HMCN1: variants seen among roughly 807,000 people sequenced by gnomAD.
HMCN1 encodes the protein hemicentin 1, also known as hemicentin-1.
In HMCN1, 321 loss-of-function variants were observed where a neutral mutation model predicts 625.9. The observed-to-expected ratio is 0.51, with a 90% CI of 0.47 to 0.56. The LOEUF is 0.56. HMCN1 is among the 20% of genes least tolerant of loss of function. HMCN1 has a pLI of 0.00. For missense variants in HMCN1, 6,588 were observed against 6,887.3 expected, an observed-to-expected ratio of 0.96 and a Z score of 1.54; for synonymous variants, 2,425 against 2,417.6, an observed-to-expected ratio of 1.00 and a Z score of -0.09.
chr1:186,026,323 T>C (rs576210925), intron 36 of HMCN1, among the ~76,000 whole-genome samples: 9 of 152,312 alleles, frequency 5.9e-5, no homozygotes, highest in African/African-American at 2.2e-4. Flanking sequence ...ACACCATGCA[T>C]TGAAATACTT....
rs199699976 is a variant in HMCN1, at chr1:185,923,620, G to A, written c.1252G>A (p.Val418Ile). The change falls in exon 8 of 107, where the codon GTA becomes ATA. Residue 418 changes from valine (V) to isoleucine (I), a missense_variant. Coordinates refer to ENST00000271588, the MANE Select transcript of HMCN1 (RefSeq NM_031935.3). ...TAAAGATGATTACCTCTTCCAGAGAGTATCAAGTGTTTCCTTTTCTAGTAT... is the reference window on the plus strand; with the variant it reads ...TAAAGATGATTACCTCTTCCAGAGAATATCAAGTGTTTCCTTTTCTAGTAT... ...YDKDDYLFQR[V>I]SSVSFSSIVP... 1.2e-6 allele frequency: 2 copies of A among 1,606,732 alleles called. No homozygotes were observed. The highest frequency in any genetic ancestry group is 2.2e-5 in the East Asian group (1 of 44,748).
intron 68 of HMCN1, among the ~76,000 whole-genome samples, chr1:186,102,792 G>A (rs1660443302): frequency 6.6e-6 from 1 of 152,142 alleles, no homozygotes; most frequent in African/African-American, 2.4e-5. Context: ...GTCATCATAA[G>A]GGGAATGTGT....
chr1:186,179,200 T>G (rs1652785805), intron 104 of HMCN1, among the ~76,000 whole-genome samples: 1 of 152,230 alleles, frequency 6.6e-6, no homozygotes, highest in South Asian at 2.1e-4. Flanking sequence ...CTGCTTGTTC[T>G]GTATAACAAC....
Position 186,120,148 on chromosome 1 carries a change from A to C in HMCN1, c.12229+3A>C, listed in dbSNP as rs774539570. On this transcript the variant is annotated splice_donor_region_variant and intron_variant, in intron 80 of 106. Coordinates refer to ENST00000271588, the MANE Select transcript of HMCN1 (RefSeq NM_031935.3). ...CAAAATCAAGTTAAATGTCCAAGGT[A>C]CCTAAATAATTCATCTCTGTTTTCA... The C allele has an allele frequency of 1.9e-6, 3 of 1,613,624 alleles. No homozygotes were observed. The Admixed American group carries it at 5.0e-5, about 27-fold the overall frequency.
intron 22 of HMCN1, among the ~76,000 whole-genome samples, 200 bp from the exon 23 acceptor site, chr1:185,992,981 CT>C (rs1319414147): frequency 6.6e-6 from 1 of 152,054 alleles, no homozygotes; most frequent in African/African-American, 2.4e-5. Context: ...TAAAATAAAA[CT>C]GTTTTATGTT....
chr1:186,187,311 G>T (rs1394426228), intron 105 of HMCN1, among the ~76,000 whole-genome samples: 7 of 152,032 alleles, frequency 4.6e-5, no homozygotes, highest in Admixed American at 4.6e-4. Flanking sequence ...GTAGTGCCTG[G>T]GCCACTCATT....
intron 104 of HMCN1, 113 bp downstream of exon 104, chr1:186,178,879 G>A (rs377531758): frequency 3.1e-5 from 25 of 802,132 alleles, no homozygotes; most frequent in East Asian, 1.3e-4. Context: ...TCTCAAGTTC[G>A]GAATGACTCA....
In HMCN1 at chr1:186,086,226, T is replaced by G; in HGVS notation, c.8885-20T>G. The G allele has an allele frequency of 6.3e-7, 1 of 1,597,052 alleles. No individual in the cohort carries two copies. The highest frequency in any genetic ancestry group is 2.2e-5 in the East Asian group (1 of 44,734). On this transcript the variant is annotated intron_variant, in intron 57 of 106. Transcript: ENST00000271588. ...TGTTGATAACACCTGCTTTCACTTT[T>G]AATATATTTACTATTATAGTTCCTC...
At chr1:185,832,311 A>T (rs973388125) in intron 1 of HMCN1, among the ~76,000 whole-genome samples, 1 of 152,124 alleles carries the variant, frequency 6.6e-6, no homozygotes, top group African/African-American at 2.4e-5. Context: ...AAAAATAAAA[A>T]AATAAAGTTG....
At chr1:185,999,744 T>C (rs12079734) in intron 25 of HMCN1, among the ~76,000 whole-genome samples, 6,803 of 152,152 alleles carry the variant, frequency 0.045, 514 homozygotes, top group African/African-American at 0.15. Flanking sequence ...GTTCCTGCCC[T>C]GCCAACAAAT....
intron 46 of HMCN1, 112 bp from the exon 47 acceptor site, chr1:186,061,739 G>C: frequency 1.8e-6 from 1 of 545,070 alleles, no homozygotes; most frequent in Non-Finnish European, 3.3e-6. Flanking sequence ...CATTTTAAGG[G>C]CCTCTAAAGC....
chr1:185,944,833 A>G (rs1319406913), intron 11 of HMCN1, among the ~76,000 whole-genome samples: 1 of 152,244 alleles, frequency 6.6e-6, no homozygotes, highest in Admixed American at 6.5e-5. Flanking sequence ...CATGCAGTGC[A>G]TGTCTGTGGG....
In HMCN1 at chr1:186,172,044, C is replaced by T; in HGVS notation, c.15727C>T (p.Gln5243Ter). ...ECRQNVCRPD[Q>*]HCKNTRGGYK... ...TAGACAAAATGTATGCAGACCAGAT[C>T]AGCACTGTAAGAACACCCGTGGTGG... Residue 5243 changes from glutamine to a stop codon, truncating the protein, a stop_gained, in exon 102 of 107, where the codon CAG becomes TAG. Coordinates refer to ENST00000271588, the MANE Select transcript of HMCN1 (RefSeq NM_031935.3). LOFTEE classifies it high-confidence loss of function. 2 of 1,613,596 alleles carry T rather than the reference C, an allele frequency of 1.2e-6. No individual in the cohort carries two copies. The highest frequency in any genetic ancestry group is 1.3e-5 in the African/African-American group (1 of 75,002).
At position 186,125,888 on chromosome 1, in the gene HMCN1, A is replaced by T. The variant is rs1470936530; in HGVS notation, c.12690+94A>T. 3 of 856,600 alleles carry T rather than the reference A, an allele frequency of 3.5e-6. No homozygotes were observed. The African/African-American group carries it at 7.4e-5, about 21-fold the overall frequency. The allele number at this position is 856,600 out of a possible 1,614,324, so 53.1% of individuals were successfully genotyped here. ...TTAGCATGGAAGTATATTCTTTAAT[A>T]ATTAAAAAAAATATTCTTGTAAAAT... On this transcript the variant is annotated intron_variant, in intron 82 of 106. Coordinates refer to ENST00000271588, the MANE Select transcript of HMCN1 (RefSeq NM_031935.3).
chr1:186,100,420 A>G (rs1660332639), intron 68 of HMCN1, among the ~76,000 whole-genome samples: 1 of 152,136 alleles, frequency 6.6e-6, no homozygotes, highest in Non-Finnish European at 1.5e-5. Context: ...GTATCATGGT[A>G]TAGTGGTTCT....
intron 4 of HMCN1, among the ~76,000 whole-genome samples, chr1:185,885,048 G>A (rs1327924290): frequency 6.6e-6 from 1 of 151,326 alleles, no homozygotes; most frequent in Non-Finnish European, 1.5e-5. Flanking sequence ...TTTTGGAAAG[G>A]TTTATAATGC....
Position 185,933,591 on chromosome 1 carries a change from C to G in HMCN1, c.1595C>G (p.Thr532Ser). Residue 532 changes from threonine to serine, a missense_variant, in exon 11 of 107, where the codon ACT (threonine) becomes AGT (serine). This residue lies in a region of HMCN1 where 4,628 missense variants were observed against 4,853.1 expected (regional missense o/e 0.95). Transcript: ENST00000271588. ...VIQVPNNVTV[T>S]PGERAVLTCL... ...CAAGTGCCTAACAATGTTACAGTCACTCCTGGAGAGAGAGCAGTTTTAACA... is the reference window on the plus strand; with the variant it reads ...CAAGTGCCTAACAATGTTACAGTCAGTCCTGGAGAGAGAGCAGTTTTAACA... The G allele has an allele frequency of 1.2e-6, 2 of 1,613,990 alleles. No individual in the cohort carries two copies. Among genetic ancestry groups the G allele is most frequent in the Non-Finnish European group, 1.7e-6 (2 of 1,179,922 alleles).
chr1:185,734,579 A>T lies in HMCN1; in HGVS notation c.-201A>T, dbSNP rs1653414261. The T allele has an allele frequency of 1.2e-5, 7 of 595,934 alleles. No homozygotes were observed. In the South Asian group the frequency reaches 1.2e-4, roughly 10 times the overall value. 36.9% of individuals were successfully genotyped at this position (595,934 alleles called of 1,614,324 possible). A position where few individuals can be genotyped will look rare whatever the true frequency, so the allele number is the denominator to read the frequency against. On this transcript the variant is annotated 5_prime_UTR_variant, in exon 1 of 107. Coordinates refer to ENST00000271588, the MANE Select transcript of HMCN1 (RefSeq NM_031935.3). ...GCCGCATCCAGACAAAAGCTGCCGCATCCCTGCCCTGCCCAACCCCTGGAG... is the reference window on the plus strand; with the variant it reads ...GCCGCATCCAGACAAAAGCTGCCGCTTCCCTGCCCTGCCCAACCCCTGGAG...
chr1:185,987,480 G>T lies in HMCN1; in HGVS notation c.2984G>T (p.Gly995Val). The T allele has an allele frequency of 6.2e-7, 1 of 1,613,974 alleles. No individual in the cohort carries two copies. Among genetic ancestry groups the T allele is most frequent in the Non-Finnish European group, 8.5e-7 (1 of 1,179,848 alleles). Residue 995 changes from glycine (G) to valine (V), a missense_variant, in exon 20 of 107, where the codon GGC becomes GTC. Coordinates refer to ENST00000271588, the MANE Select transcript of HMCN1 (RefSeq NM_031935.3). The stretch of plus-strand genomic sequence containing the variant: ...CAGCAGATACTCAGTACAATTGAAG[G>T]CATTCCAGTAACTTTACCATGCAAA... Reference protein sequence around the residue: ...HGQQILSTIEGIPVTLPCKAS... With the variant: ...HGQQILSTIEVIPVTLPCKAS...
Sources: gnomAD v4.1 joint callset for allele counts (sites outside exome capture counted in the v4.1 genomes callset) on GRCh38, gnomAD v4.1.1 for gene constraint, gnomAD v4.1.1 regional missense constraint, MANE v1.5 for transcripts, NCBI Gene and HGNC (gene_info 2026-07-23, HGNC 2026-07-21) for gene names.